Variants in CADM1 observed in about 807,000 individuals in gnomAD.
CADM1 encodes cell adhesion molecule 1.
Under a neutral mutation model 53.1 loss-of-function variants are expected in CADM1, and 15 were observed. That is an observed-to-expected ratio of 0.28 (90% CI 0.19 to 0.44). The LOEUF is 0.44. Ranked by LOEUF, CADM1 falls within the 20% of genes least tolerant of loss-of-function variation. The pLI, the probability that CADM1 is intolerant of heterozygous loss-of-function variation, is 1.00. For synonymous variants in CADM1, 281 were observed against 243.0 expected (o/e 1.16, Z -1.45); for missense variants, 434 against 611.3 (o/e 0.71, Z 3.06).
chr11:115,271,554 T>C (rs1409280080), intron 1 of CADM1, among the ~76,000 whole-genome samples: 1 of 152,192 alleles, frequency 6.6e-6, no homozygotes, highest in Non-Finnish European at 1.5e-5. Context: ...AGTGCTGGGA[T>C]TACAGGCGTG....
intron 1 of CADM1, among the ~76,000 whole-genome samples, chr11:115,307,757 T>C (rs979199953): frequency 6.6e-6 from 1 of 151,882 alleles, no homozygotes; most frequent in Non-Finnish European, 1.5e-5. Flanking sequence ...CCTTTCACAA[T>C]AGTTGCCTTG....
chr11:115,423,638 G>A (rs1027337331), intron 1 of CADM1, among the ~76,000 whole-genome samples: 3 of 152,128 alleles, frequency 2.0e-5, no homozygotes, highest in African/African-American at 7.2e-5. Context: ...GAGTCTGATG[G>A]TAACCTCACT....
intron 1 of CADM1, among the ~76,000 whole-genome samples, chr11:115,487,147 G>A (rs1289673900): frequency 6.6e-6 from 1 of 152,170 alleles, no homozygotes; most frequent in Non-Finnish European, 1.5e-5. Context: ...AAGTCCAGTG[G>A]TTTTTAAACC....
chr11:115,473,487 A>C (rs1369912153), intron 1 of CADM1, among the ~76,000 whole-genome samples: 2 of 152,210 alleles, frequency 1.3e-5, no homozygotes, highest in Non-Finnish European at 2.9e-5. Flanking sequence ...CTCAATTGGC[A>C]GAAAGATAGA....
intron 1 of CADM1, among the ~76,000 whole-genome samples, chr11:115,500,118 A>T (rs949821404): frequency 1.3e-5 from 2 of 152,250 alleles, no homozygotes; most frequent in Admixed American, 1.3e-4. Flanking sequence ...ATTTTCAGTT[A>T]AAAATGCCCA....
chr11:115,290,638 T>C (rs1943866408), intron 1 of CADM1, among the ~76,000 whole-genome samples: 1 of 151,914 alleles, frequency 6.6e-6, no homozygotes, highest in African/African-American at 2.4e-5. Context: ...TTTGACAAAA[T>C]AAAACACACA....
intron 6 of CADM1, among the ~76,000 whole-genome samples, chr11:115,216,212 G>C (rs1941176278): frequency 6.6e-6 from 1 of 152,180 alleles, no homozygotes; most frequent in Admixed American, 6.5e-5. Flanking sequence ...ATGCTAGAAG[G>C]GGTAGCAGTA....
At position 115,417,728 on chromosome 11, in the gene CADM1, C is replaced by T. The variant is rs114472346; in HGVS notation, c.124+86543G>A. Among the ~76,000 whole-genome samples the T allele has an allele frequency of 2.1e-3, 313 of 152,192 alleles. 3 individuals carry two copies. Among genetic ancestry groups the T allele is most frequent in the African/African-American group, 7.1e-3 (295 of 41,532 alleles). On this transcript the variant is annotated intron_variant, in intron 1 of 11. Transcript: ENST00000331581. The stretch of plus-strand genomic sequence containing the variant: ...GATTTCATTATGCTCCTCAGAACAG[C>T]GAGCCATTTAAAATTTATAAATTGT...
chr11:115,429,234 A>C (rs1188298674), intron 1 of CADM1, among the ~76,000 whole-genome samples: 11 of 152,336 alleles, frequency 7.2e-5, no homozygotes, highest in Non-Finnish European at 2.9e-5. Flanking sequence ...TGAGAACTAA[A>C]AAAAATAGCA....
chr11:115,216,183 G>C (rs1941174486), intron 6 of CADM1, among the ~76,000 whole-genome samples: 1 of 152,162 alleles, frequency 6.6e-6, no homozygotes, highest in Non-Finnish European at 1.5e-5. Flanking sequence ...GCAATTTCTT[G>C]AGAAAATAAA....
intron 1 of CADM1, among the ~76,000 whole-genome samples, chr11:115,472,880 G>A (rs11827474): frequency 0.014 from 2,131 of 151,444 alleles, 49 homozygotes; most frequent in African/African-American, 0.048. Context: ...CCTAGAAAGC[G>A]AAAAAAAACC....
intron 1 of CADM1, among the ~76,000 whole-genome samples, chr11:115,500,266 A>G (rs1049330582): frequency 3.3e-5 from 5 of 152,148 alleles, no homozygotes; most frequent in African/African-American, 1.2e-4. Context: ...ATTTAAGAGA[A>G]TCCCCACATT....
chr11:115,190,826 G>T (rs1274073457), intron 10 of CADM1, 62 bp downstream of exon 10: 16 of 1,394,140 alleles, frequency 1.1e-5, no homozygotes, highest in African/African-American at 9.9e-5. Context: ...CCATTTTGTA[G>T]AAGTGGATAG....
At chr11:115,375,417 G>T (rs543298837) in intron 1 of CADM1, among the ~76,000 whole-genome samples, 2 of 152,070 alleles carry the variant, frequency 1.3e-5, no homozygotes, top group African/African-American at 4.8e-5. Flanking sequence ...TCTTGACCTC[G>T]GTAATGGTTA....
intron 1 of CADM1, among the ~76,000 whole-genome samples, chr11:115,388,213 T>C (rs373461717): frequency 1.8e-4 from 27 of 151,926 alleles, no homozygotes; most frequent in Non-Finnish European, 3.1e-4. Context: ...GACAGACAGA[T>C]AGATGGATAG....
At chr11:115,322,360 G>A (rs535187204) in intron 1 of CADM1, among the ~76,000 whole-genome samples, 155 of 152,286 alleles carry the variant, frequency 1.0e-3, no homozygotes, top group Middle Eastern at 3.4e-3. Context: ...AGCTGCCAAT[G>A]ACTTCATTAG....
intron 1 of CADM1, among the ~76,000 whole-genome samples, chr11:115,346,709 CA>C (rs1432754369): frequency 2.0e-5 from 3 of 152,126 alleles, no homozygotes; most frequent in African/African-American, 7.2e-5. Context: ...CGGATCAAGC[CA>C]AAGGGTCACC....
rs560198928 is a variant in CADM1, at chr11:115,231,180, G to A, written c.562+173C>T. Among the ~76,000 whole-genome samples, 31 of 152,320 alleles carry A rather than the reference G, an allele frequency of 2.0e-4. 1 individual carries two copies. The highest frequency in any genetic ancestry group is 7.0e-4 in the African/African-American group (29 of 41,562). On this transcript the variant is annotated intron_variant, in intron 4 of 11. Transcript: ENST00000331581. ...AGCAGAATGAGGACATGGATTAGAA[G>A]AATAAAATGCTTTTATGCTTTGGCC...
intron 3 of CADM1, among the ~76,000 whole-genome samples, chr11:115,235,315 A>G (rs937105742): frequency 6.6e-6 from 1 of 152,200 alleles, no homozygotes; most frequent in Non-Finnish European, 1.5e-5. Flanking sequence ...TTAGCTTCAC[A>G]ATGTCTACTC....
Sources: allele counts gnomAD v4.1 joint callset (sites outside exome capture counted in the v4.1 genomes callset), GRCh38; gene constraint gnomAD v4.1.1; transcripts MANE v1.5; gene names NCBI Gene and HGNC (gene_info 2026-07-23, HGNC 2026-07-21).